MAGI1: variants seen among roughly 807,000 people sequenced by gnomAD.
The protein encoded by MAGI1 is membrane-associated guanylate kinase, WW and PDZ domain-containing protein 1.
Under a neutral mutation model 139.9 loss-of-function variants are expected in MAGI1, and 58 were observed. That is an observed-to-expected ratio of 0.41 (90% confidence interval 0.34 to 0.52). The LOEUF is 0.52. MAGI1 is among the 20% of genes least tolerant of loss of function. MAGI1 has a pLI of 0.12. For missense variants in MAGI1, 1,874 were observed against 1,901.6 expected (o/e 0.99, Z 0.27); for synonymous variants, 812 against 737.9 (o/e 1.10, Z -1.63).
chr3:65,517,932 A>G (rs1405376058), intron 2 of MAGI1, among the ~76,000 whole-genome samples: 1 of 152,150 alleles, frequency 6.6e-6, no homozygotes, highest in Non-Finnish European at 1.5e-5. Context: ...TGCTTTCTTG[A>G]CTGGATCCCA....
chr3:65,454,165 C>T (rs1173747833), intron 5 of MAGI1, among the ~76,000 whole-genome samples: 1 of 152,168 alleles, frequency 6.6e-6, no homozygotes, highest in Non-Finnish European at 1.5e-5. Flanking sequence ...GCTTGAGCCC[C>T]CAGGGCACCA....
intron 1 of MAGI1, among the ~76,000 whole-genome samples, chr3:65,923,539 AAAT>A (rs2062337421): frequency 6.6e-6 from 1 of 152,058 alleles, no homozygotes; most frequent in Non-Finnish European, 1.5e-5. Flanking sequence ...TAAACATCTT[AAAT>A]AATAAACATC....
In MAGI1 at chr3:65,556,286, A is replaced by C. The variant is rs78907548; in HGVS notation, c.431-62655T>G. Among the ~76,000 whole-genome samples the C allele has an allele frequency of 1.1e-3, 167 of 152,316 alleles. 1 individual carries two copies. Among genetic ancestry groups the C allele is most frequent in the African/African-American group, 3.9e-3 (162 of 41,564 alleles). On this transcript the variant is annotated intron_variant, in intron 2 of 22. Transcript: ENST00000402939. ...GCTACTTACACAAATTAAAATTAAAAACCAAATTTGTCATATGGCTTTAAA... is the reference window on the plus strand; with the variant it reads ...GCTACTTACACAAATTAAAATTAAACACCAAATTTGTCATATGGCTTTAAA...
At chr3:65,526,515 A>T (rs867244677) in intron 2 of MAGI1, among the ~76,000 whole-genome samples, 3 of 152,224 alleles carry the variant, frequency 2.0e-5, no homozygotes, top group Non-Finnish European at 4.4e-5. Context: ...AGCTGCCATT[A>T]TGACAGTATT....
intron 4 of MAGI1, among the ~76,000 whole-genome samples, chr3:65,475,297 T>C (rs1430079959): frequency 2.0e-5 from 3 of 152,174 alleles, no homozygotes; most frequent in Admixed American, 1.3e-4. Flanking sequence ...CACTGCAACC[T>C]CTGCCTCCGG....
chr3:65,934,421 G>C (rs879496925), intron 1 of MAGI1, among the ~76,000 whole-genome samples: 15 of 151,968 alleles, frequency 9.9e-5, no homozygotes, highest in Non-Finnish European at 1.9e-4. Flanking sequence ...AGAAACAATA[G>C]GTCGGATAAA....
At chr3:65,376,835 C>T (rs1481482946) in intron 17 of MAGI1, among the ~76,000 whole-genome samples, 4 of 152,122 alleles carry the variant, frequency 2.6e-5, no homozygotes, top group East Asian at 1.9e-4. Context: ...ATATCAAAGA[C>T]CGAGAAAAGT....
At chr3:65,678,019 G>T (rs572756891) in intron 1 of MAGI1, among the ~76,000 whole-genome samples, 1 of 152,326 alleles carries the variant, frequency 6.6e-6, no homozygotes, top group African/African-American at 2.4e-5. Context: ...CATGTCCTTT[G>T]CAGGGACATG....
chr3:65,368,196 A>T (rs575991062), intron 18 of MAGI1, among the ~76,000 whole-genome samples: 1 of 152,222 alleles, frequency 6.6e-6, no homozygotes, highest in African/African-American at 2.4e-5. Context: ...AAACAAGAGT[A>T]TGAGTCTCCC....
At chr3:65,818,076 CTT>C (rs2041724308) in intron 1 of MAGI1, among the ~76,000 whole-genome samples, 2 of 144,668 alleles carry the variant, frequency 1.4e-5, no homozygotes, top group Non-Finnish European at 3.0e-5. Flanking sequence ...GTGTCTCTCT[CTT>C]TGACTTTCCT....
intron 1 of MAGI1, among the ~76,000 whole-genome samples, chr3:65,644,276 A>G (rs941344498): frequency 6.6e-6 from 1 of 152,294 alleles, no homozygotes; most frequent in Non-Finnish European, 1.5e-5. Context: ...AATAAAAAAA[A>G]CTCAACCTGA....
chr3:65,773,538 A>G (rs545868934), intron 1 of MAGI1, among the ~76,000 whole-genome samples: 13 of 152,168 alleles, frequency 8.5e-5, no homozygotes, highest in Non-Finnish European at 1.6e-4. Context: ...GTCTCAAAAA[A>G]AAGACAAAAA....
At chr3:65,535,991 A>G (rs904683211) in intron 2 of MAGI1, among the ~76,000 whole-genome samples, 1 of 152,222 alleles carries the variant, frequency 6.6e-6, no homozygotes, top group Non-Finnish European at 1.5e-5. Flanking sequence ...TGAGGGGCAC[A>G]TGGGAACTGA....
intron 1 of MAGI1, among the ~76,000 whole-genome samples, chr3:65,846,539 C>T (rs1438557626): frequency 1.3e-5 from 2 of 152,164 alleles, no homozygotes; most frequent in African/African-American, 2.4e-5. Context: ...CATAATAGGG[C>T]CCCACAAAGG....
chr3:65,938,015 G>C (rs1266301636), intron 1 of MAGI1, among the ~76,000 whole-genome samples: 1 of 152,008 alleles, frequency 6.6e-6, no homozygotes, highest in East Asian at 1.9e-4. Flanking sequence ...TGGCTGACCA[G>C]ATAACTTGAC....
At chr3:65,588,423 A>C (rs1304131125) in intron 2 of MAGI1, among the ~76,000 whole-genome samples, 1 of 152,208 alleles carries the variant, frequency 6.6e-6, no homozygotes, top group Non-Finnish European at 1.5e-5. Context: ...AACACTGACC[A>C]AAGATGACAA....
At position 65,729,250 on chromosome 3, in the gene MAGI1, T is replaced by C. The variant is rs2033951377; in HGVS notation, c.314-107162A>G. Among the ~76,000 whole-genome samples, 2 of 152,000 alleles carry C rather than the reference T, an allele frequency of 1.3e-5. 1 individual carries two copies. The highest frequency in any genetic ancestry group is 4.2e-4 in the South Asian group (2 of 4,804). On this transcript the variant is annotated intron_variant, in intron 1 of 22. Coordinates refer to ENST00000402939, the MANE Select transcript of MAGI1 (RefSeq NM_001033057.2). ...ACAGCAGGTCACTCCAAAATCTCTA[T>C]TACATTATGTAAGCATACGTTGAGG...
intron 1 of MAGI1, among the ~76,000 whole-genome samples, chr3:65,652,536 A>G (rs2085644056): frequency 6.6e-6 from 1 of 152,172 alleles, no homozygotes; most frequent in Non-Finnish European, 1.5e-5. Flanking sequence ...GACATTGTCA[A>G]ATGTCTCCTG....
chr3:65,451,198 A>G (rs1440914424), intron 6 of MAGI1, among the ~76,000 whole-genome samples: 2 of 152,190 alleles, frequency 1.3e-5, no homozygotes, highest in African/African-American at 2.4e-5. Context: ...CTTTCACTCT[A>G]TGTACAGTTT....
Sources: allele counts gnomAD v4.1 joint callset (sites outside exome capture counted in the v4.1 genomes callset), GRCh38; gene constraint gnomAD v4.1.1; transcripts MANE v1.5; gene names NCBI Gene and HGNC (gene_info 2026-07-23, HGNC 2026-07-21).